Variants in KSR2 observed in about 807,000 individuals in gnomAD.
KSR2 encodes kinase suppressor of ras 2.
KSR2 carries 25 observed loss-of-function variants against 107.8 expected under a neutral mutation model. The observed-to-expected ratio is 0.23, with a 90% confidence interval of 0.17 to 0.32. The LOEUF (loss-of-function observed/expected upper bound fraction) is 0.32, where lower values mean the gene tolerates loss of function less well. Among genes scored for constraint, KSR2 ranks in the 10% least tolerant of loss-of-function variants. The probability of loss-of-function intolerance (pLI) is 1.00; values close to 1 mark genes in which losing one functional copy is unlikely to be tolerated. For synonymous variants in KSR2, 480 were observed against 507.0 expected, an observed-to-expected ratio of 0.95 and a Z score of 0.71; for missense variants, 887 against 1,268.9, an observed-to-expected ratio of 0.70 and a Z score of 4.57.
chr12:117,768,904 T>C lies in KSR2; in HGVS notation c.473-7380A>G, dbSNP rs563099356. 3.3e-4 allele frequency among the ~76,000 whole-genome samples: 51 copies of C among 152,304 alleles called. No individual in the cohort carries two copies. In the South Asian group the frequency reaches 8.3e-3, roughly 25 times the overall value. ...CTTGTCCAAGAAGGACATGTGGGGTTTGGGTCTTCACCTGACCCATAACCA... is the reference window on the plus strand; with the variant it reads ...CTTGTCCAAGAAGGACATGTGGGGTCTGGGTCTTCACCTGACCCATAACCA... On this transcript the variant is annotated intron_variant, in intron 3 of 19. Transcript: ENST00000339824.
At chr12:117,929,817 A>G (rs1385739270) in intron 1 of KSR2, among the ~76,000 whole-genome samples, 1 of 152,226 alleles carries the variant, frequency 6.6e-6, no homozygotes, top group Non-Finnish European at 1.5e-5. Context: ...GCAAATTCAT[A>G]AAGACAGAAA....
intron 5 of KSR2, among the ~76,000 whole-genome samples, chr12:117,610,681 G>A (rs1486859797): frequency 1.3e-5 from 2 of 148,852 alleles, no homozygotes; most frequent in East Asian, 2.0e-4. Flanking sequence ...CAAGGCTGCA[G>A]TGAGCCATGA....
At chr12:117,590,524 C>T (rs183594976) in intron 5 of KSR2, among the ~76,000 whole-genome samples, 70 of 152,300 alleles carry the variant, frequency 4.6e-4, no homozygotes, top group Non-Finnish European at 8.2e-4. Context: ...TGGAACAGTG[C>T]TCTGCCAAGT....
chr12:117,770,906 G>A (rs1889425695), intron 3 of KSR2, among the ~76,000 whole-genome samples: 3 of 151,180 alleles, frequency 2.0e-5, no homozygotes, highest in Admixed American at 1.3e-4. Flanking sequence ...GAACCCGGGA[G>A]GCGGAGCTTG....
intron 1 of KSR2, among the ~76,000 whole-genome samples, chr12:117,861,802 C>T (rs946824202): frequency 2.6e-5 from 4 of 152,076 alleles, no homozygotes; most frequent in Non-Finnish European, 5.9e-5. Flanking sequence ...CAAAAGCATC[C>T]CAAAATTAAC....
At chr12:117,852,991 T>C (rs1367693056) in intron 3 of KSR2, among the ~76,000 whole-genome samples, 1 of 152,098 alleles carries the variant, frequency 6.6e-6, no homozygotes, top group African/African-American at 2.4e-5. Context: ...TTAGTAGAGA[T>C]GGGGTTTCAC....
chr12:117,623,968 C>T (rs1435585640), intron 5 of KSR2, among the ~76,000 whole-genome samples: 1 of 152,204 alleles, frequency 6.6e-6, no homozygotes, highest in Admixed American at 6.5e-5. Context: ...ATTTGCATTT[C>T]TCTGATGGCC....
intron 4 of KSR2, among the ~76,000 whole-genome samples, chr12:117,740,480 C>CT (rs1888149922): frequency 4.4e-5 from 5 of 114,534 alleles, no homozygotes; most frequent in Non-Finnish European, 9.2e-5. Context: ...TAATATATAA[C>CT]ATATAATATA....
chr12:117,947,187 AAAAGAAAGAAAAGAAAGAAAAG>A lies in KSR2; in HGVS notation c.180+20867_180+20888del, dbSNP rs1395155229. 4.6e-3 allele frequency among the ~76,000 whole-genome samples: 470 copies of A among 102,614 alleles called. 10 individuals are homozygous for A. The highest frequency in any genetic ancestry group is 0.016 in the African/African-American group (453 of 28,420). 67.3% of individuals were successfully genotyped at this position (102,614 alleles called of 152,430 possible). On this transcript the variant is annotated intron_variant, in intron 1 of 19. Coordinates refer to ENST00000339824, the MANE Select transcript of KSR2 (RefSeq NM_173598.6). ...TGTCAAAAGAAAGAAAGAAAGAAAG[AAAAGAAAGAAAAGAAAGAAAAG>A]AAAGAAAGAAAGAAAGAAAGAAAGA... is the stretch of plus-strand genomic sequence containing the variant.
chr12:117,862,720 T>C (rs1893342946), intron 1 of KSR2, among the ~76,000 whole-genome samples: 1 of 139,050 alleles, frequency 7.2e-6, no homozygotes, highest in Non-Finnish European at 1.6e-5. Context: ...CTGGTCTCCA[T>C]TCCCCCCCTT....
chr12:117,696,769 G>A (rs1315603979), intron 4 of KSR2, among the ~76,000 whole-genome samples: 1 of 152,068 alleles, frequency 6.6e-6, no homozygotes, highest in Non-Finnish European at 1.5e-5. Context: ...CCCTTGCCAG[G>A]CCCAGATAAC....
chr12:117,683,785 T>A (rs1885462596), intron 4 of KSR2, among the ~76,000 whole-genome samples: 1 of 152,194 alleles, frequency 6.6e-6, no homozygotes. Flanking sequence ...AGGAAAGATG[T>A]CCTGATGCAG....
rs1435873379 is a variant in KSR2 at position 117,671,831 on chromosome 12, T to C, written c.987-4173A>G. Among the ~76,000 whole-genome samples the C allele has an allele frequency of 8.8e-5, 10 of 113,512 alleles. No homozygotes were observed. In the South Asian group the frequency reaches 1.8e-3, roughly 20 times the overall value. 74.5% of individuals were successfully genotyped at this position (113,512 alleles called of 152,430 possible). A position where few individuals can be genotyped will look rare whatever the true frequency, so the allele number is the denominator to read the frequency against. ...AACTCCCATCCTGCCTGCCCAGGAG[T>C]GGGGTGCCCTCTTGTGGCCAGAGCA... On this transcript the variant is annotated intron_variant, in intron 4 of 19. Transcript: ENST00000339824.
intron 8 of KSR2, among the ~76,000 whole-genome samples, chr12:117,558,304 G>A (rs1877849673): frequency 6.6e-6 from 1 of 152,120 alleles, no homozygotes; most frequent in Non-Finnish European, 1.5e-5. Context: ...CAGTAGAGGG[G>A]CAAGAAACAG....
intron 4 of KSR2, among the ~76,000 whole-genome samples, chr12:117,755,543 T>C (rs1888759645): frequency 6.6e-6 from 1 of 152,212 alleles, no homozygotes; most frequent in Non-Finnish European, 1.5e-5. Context: ...ATGTTGTATG[T>C]GTTCTGACTG....
At chr12:117,532,867 A>T (rs1463945268) in intron 10 of KSR2, among the ~76,000 whole-genome samples, 2 of 151,236 alleles carry the variant, frequency 1.3e-5, no homozygotes, top group Admixed American at 6.5e-5. Flanking sequence ...TGTATTGGTG[A>T]ATCCACTTTC....
In KSR2 at chr12:117,897,433, G is replaced by A. The variant is rs1417641291; in HGVS notation, c.181-37002C>T. Reference sequence around the variant, plus strand: ...AGCACTCTCCATTATCAGTAGGCATGAAAGGTTGACTAGGAAACCACATCA... The same window carrying A: ...AGCACTCTCCATTATCAGTAGGCATAAAAGGTTGACTAGGAAACCACATCA... On this transcript the variant is annotated intron_variant, in intron 1 of 19. Transcript: ENST00000339824. This position sits in a 1 kb window ranked among gnomAD's most constrained non-coding sequence, Gnocchi z 4.5. 6.6e-6 allele frequency among the ~76,000 whole-genome samples: 1 copy of A among 152,154 alleles called. No homozygotes were observed. Among genetic ancestry groups the A allele is most frequent in the Non-Finnish European group, 1.5e-5 (1 of 68,022 alleles).
At chr12:117,658,779 T>C (rs1318723847) in intron 5 of KSR2, among the ~76,000 whole-genome samples, 2 of 151,922 alleles carry the variant, frequency 1.3e-5, no homozygotes, top group Non-Finnish European at 2.9e-5. Context: ...GTAAATTTGG[T>C]TGAAACAAAC....
chr12:117,772,140 T>C (rs1889487949), intron 3 of KSR2, among the ~76,000 whole-genome samples: 5 of 124,004 alleles, frequency 4.0e-5, no homozygotes, highest in African/African-American at 6.3e-5. Flanking sequence ...CACTCATACA[T>C]ACACACCATT....
Sources: allele counts gnomAD v4.1 joint callset (sites outside exome capture counted in the v4.1 genomes callset), GRCh38; gene constraint gnomAD v4.1.1; non-coding constraint Gnocchi (gnomAD v3.1); transcripts MANE v1.5; gene names NCBI Gene and HGNC (gene_info 2026-07-23, HGNC 2026-07-21).